The following TYW5 variants were observed in gnomAD, a reference collection of about 807,000 sequenced individuals.
TYW5 encodes tRNA wybutosine-synthesizing protein 5.
TYW5 carries 36 observed loss-of-function variants against 44.4 expected under a neutral mutation model. The ratio of observed to expected loss-of-function variants is 0.81; its 90% CI spans 0.62 to 1.07. The LOEUF is 1.07. Among genes scored for constraint, TYW5 ranks in the 50% least tolerant of loss-of-function variants. TYW5 has a pLI of 0.00. For synonymous variants in TYW5, 121 were observed against 128.1 expected (o/e 0.94, Z 0.37); for missense variants, 354 against 365.7 (o/e 0.97, Z 0.26).
intron 3 of TYW5, among the ~76,000 whole-genome samples, chr2:199,940,800 T>TCCA (rs1434924603): frequency 6.6e-6 from 1 of 152,160 alleles, no homozygotes; most frequent in East Asian, 1.9e-4. Context: ...GTCTTTATGT[T>TCCA]CCAAATTATT....
chr2:199,948,641 C>A lies in TYW5; in HGVS notation c.79-169G>T, dbSNP rs2077521241. ...GCTGTCACTAAAACAAGAAGAGGGG[C>A]CATATGAAATATCTAGAACAAAATT... On this transcript the variant is annotated intron_variant, in intron 1 of 7. Coordinates refer to ENST00000354611, the MANE Select transcript of TYW5 (RefSeq NM_001039693.3). Among the ~76,000 whole-genome samples the A allele has an allele frequency of 1.3e-5, 2 of 152,050 alleles. 1 individual carries two copies. Among genetic ancestry groups the A allele is most frequent in the Middle Eastern group, 6.8e-3 (2 of 294 alleles).
intron 4 of TYW5, 81 bp downstream of exon 4, chr2:199,940,008 G>C (rs898870442): frequency 4.0e-5 from 51 of 1,282,862 alleles, no homozygotes; most frequent in Non-Finnish European, 4.5e-6. Flanking sequence ...CAGGCAGTAA[G>C]TATAAAATTA....
In TYW5 at chr2:199,931,701, T is replaced by C. The variant is rs1490388411; in HGVS notation, c.*1366A>G. ...GCTTTTCCTTATTTACTATAATTTA[T>C]AGGACATGAGTGGATGGATTCTCTT... On this transcript the variant is annotated 3_prime_UTR_variant, in exon 8 of 8. Coordinates refer to ENST00000354611, the MANE Select transcript of TYW5 (RefSeq NM_001039693.3). 1 of 152,220 alleles carries C rather than the reference T, an allele frequency of 6.6e-6. No homozygotes were observed. Among genetic ancestry groups the C allele is most frequent in the Non-Finnish European group, 1.5e-5 (1 of 68,024 alleles). 9.4% of individuals were successfully genotyped at this position (152,220 alleles called of 1,614,324 possible).
At chr2:199,944,751 CCCACTTG>C in intron 2 of TYW5, 1 of 152,288 alleles carries the variant, frequency 6.6e-6, no homozygotes. Context: ...TAAATATCTT[CCCACTTG>C]AACTCTGTAC....
At chr2:199,933,639 A>G (rs2077397653) in intron 7 of TYW5, among the ~76,000 whole-genome samples, 1 of 152,192 alleles carries the variant, frequency 6.6e-6, no homozygotes, top group Admixed American at 6.5e-5. Context: ...GTTTTGTGTT[A>G]CTTGTTTATA....
chr2:199,951,608 C>T (rs1305478302), intron 1 of TYW5, among the ~76,000 whole-genome samples: 1 of 152,144 alleles, frequency 6.6e-6, no homozygotes, highest in East Asian at 1.9e-4. Flanking sequence ...TTGGCTTATT[C>T]CTTTCTTTTT....
Position 199,938,110 on chromosome 2 carries a change from G to A in TYW5, c.486+823C>T, listed in dbSNP as rs1371625893. Among the ~76,000 whole-genome samples the A allele has an allele frequency of 2.0e-5, 3 of 151,680 alleles. No homozygotes were observed. The East Asian group carries it at 5.8e-4, about 29-fold the overall frequency. On this transcript the variant is annotated intron_variant, in intron 5 of 7. Coordinates refer to ENST00000354611, the MANE Select transcript of TYW5 (RefSeq NM_001039693.3). ...GACAGAGTCTCGTTCTGTCGCCCAG[G>A]CTGGAGTGCAACGGTGCGATCTCGG...
chr2:199,930,014 C>T lies in TYW5; in HGVS notation c.*3053G>A, dbSNP rs1471636913. ...TTTTTGAGACAGGGTCTCACTCTGTCACCCAGGCTGGAGTGCAGTTGCACA... is the reference window on the plus strand; with the variant it reads ...TTTTTGAGACAGGGTCTCACTCTGTTACCCAGGCTGGAGTGCAGTTGCACA... On this transcript the variant is annotated 3_prime_UTR_variant, in exon 8 of 8. Transcript: ENST00000354611. 1 of 140,756 alleles carries T rather than the reference C, an allele frequency of 7.1e-6. No homozygotes were observed. The highest frequency in any genetic ancestry group is 1.5e-5 in the Non-Finnish European group (1 of 67,760). 8.7% of individuals were successfully genotyped at this position (140,756 alleles called of 1,614,324 possible).
At position 199,931,287 on chromosome 2, in the gene TYW5, T is replaced by A. The variant is rs2077375696; in HGVS notation, c.*1780A>T. 6.6e-6 allele frequency: 1 copy of A among 152,138 alleles called. No individual in the cohort carries two copies. Among genetic ancestry groups the A allele is most frequent in the Non-Finnish European group, 1.5e-5 (1 of 68,028 alleles). 9.4% of individuals were successfully genotyped at this position (152,138 alleles called of 1,614,324 possible). On this transcript the variant is annotated 3_prime_UTR_variant, in exon 8 of 8. Coordinates refer to ENST00000354611, the MANE Select transcript of TYW5 (RefSeq NM_001039693.3). ...TAGATAAATGTTATTTTGTCTAAGG[T>A]CATCCAGTTTGCTTCTCCATTAAAC... is the stretch of plus-strand genomic sequence containing the variant.
chr2:199,940,172 T>C (rs1459993188), intron 3 of TYW5, 39 bp from the exon 4 acceptor site: 2 of 1,591,752 alleles, frequency 1.3e-6, no homozygotes, highest in Non-Finnish European at 8.6e-7. Flanking sequence ...AGCAATATTT[T>C]ACTTTTTCAA....
intron 2 of TYW5, chr2:199,946,508 A>C (rs1028241827): frequency 6.6e-6 from 1 of 152,200 alleles, no homozygotes; most frequent in Non-Finnish European, 1.5e-5. Flanking sequence ...GAAGAATGCC[A>C]ACAATATCCT....
chr2:199,952,753 A>G (rs2077555867), intron 1 of TYW5, among the ~76,000 whole-genome samples: 1 of 152,198 alleles, frequency 6.6e-6, no homozygotes, highest in African/African-American at 2.4e-5. Flanking sequence ...GAATTTACCC[A>G]TATTTTCTAC....
rs2077390608 is a variant in TYW5, at chr2:199,932,908, TTAATTA to T, written c.*153_*158del. On this transcript the variant is annotated 3_prime_UTR_variant, in exon 8 of 8. Transcript: ENST00000354611. ...AAGAGTGGTCCCAGCACAGCATTCT[TTAATTA>T]TAACAATCTGTATCAAGTAGAATCC... 2 of 846,372 alleles carry T rather than the reference TTAATTA, an allele frequency of 2.4e-6. No individual in the cohort carries two copies. The highest frequency in any genetic ancestry group is 2.7e-5 in the East Asian group (1 of 37,194). 52.4% of individuals were successfully genotyped at this position (846,372 alleles called of 1,614,324 possible).
At chr2:199,939,191 G>C in intron 4 of TYW5, 121 bp from the exon 5 acceptor site, 1 of 836,522 alleles carries the variant, frequency 1.2e-6, no homozygotes, top group Non-Finnish European at 1.7e-6. Context: ...GCCAATACAT[G>C]ATCTCTCTCT....
chr2:199,952,531 C>A (rs2077553973), intron 1 of TYW5, among the ~76,000 whole-genome samples: 1 of 152,146 alleles, frequency 6.6e-6, no homozygotes, highest in Non-Finnish European at 1.5e-5. Context: ...CCTTTTACCC[C>A]CTTTTGAAAG....
intron 1 of TYW5, among the ~76,000 whole-genome samples, chr2:199,954,208 C>A (rs2077573576): frequency 6.6e-6 from 1 of 152,006 alleles, no homozygotes. Context: ...TCAAGCAGAT[C>A]CTCCGACCTC....
chr2:199,944,577 T>A (rs1372267977), intron 2 of TYW5: 1 of 152,238 alleles, frequency 6.6e-6, no homozygotes, highest in Non-Finnish European at 1.5e-5. Flanking sequence ...CTTTACTCTC[T>A]AGAATCAAAA....
At chr2:199,953,666 G>A (rs1402771491) in intron 1 of TYW5, among the ~76,000 whole-genome samples, 28 of 152,152 alleles carry the variant, frequency 1.8e-4, no homozygotes, top group Non-Finnish European at 1.5e-5. Context: ...TAATTATGGA[G>A]TTATTAGAAA....
At chr2:199,940,055 T>C in intron 4 of TYW5, 34 bp downstream of exon 4, 2 of 1,597,236 alleles carry the variant, frequency 1.3e-6, no homozygotes, top group Non-Finnish European at 1.7e-6. Context: ...TCCATTTAGA[T>C]TTTAGGGAAT....
Sources: allele counts gnomAD v4.1 joint callset (sites outside exome capture counted in the v4.1 genomes callset), GRCh38; gene constraint gnomAD v4.1.1; transcripts MANE v1.5; gene names NCBI Gene and HGNC (gene_info 2026-07-23, HGNC 2026-07-21).